The following DISP1 variants were observed in gnomAD, a reference collection of about 807,000 sequenced individuals.
The protein encoded by DISP1 is dispatched RND transporter family member 1.
DISP1 carries 30 observed loss-of-function variants against 37.3 expected under a neutral mutation model. The ratio of observed to expected loss-of-function variants is 0.80; its 90% CI spans 0.60 to 1.09. The LOEUF (loss-of-function observed/expected upper bound fraction) is 1.09. DISP1 is among the 50% of genes least tolerant of loss of function. The pLI is 0.00. For missense variants in DISP1, 1,598 were observed against 1,879.5 expected (o/e 0.85, Z 2.77); for synonymous variants, 634 against 690.2 (o/e 0.92, Z 1.28).
At chr1:222,827,651 C>T (rs1664756288) in intron 1 of DISP1, 1 of 151,884 alleles carries the variant, frequency 6.6e-6, no homozygotes, top group Non-Finnish European at 1.5e-5. Flanking sequence ...TTTTTTATTT[C>T]TAGAACTGAG....
chr1:222,979,737 A>T, intron 3 of DISP1: 2 of 460,992 alleles, frequency 4.3e-6, no homozygotes, highest in South Asian at 1.6e-5. Flanking sequence ...GTGGCCCTGC[A>T]CTCCGTCCCT....
At chr1:222,830,681 T>C (rs1665524095) in intron 1 of DISP1, among the ~76,000 whole-genome samples, 1 of 152,158 alleles carries the variant, frequency 6.6e-6, no homozygotes, top group African/African-American at 2.4e-5. Context: ...TGTGCCTGGC[T>C]CCTTCCACCC....
chr1:222,984,435 T>TATATAG (rs67660273), intron 4 of DISP1, among the ~76,000 whole-genome samples: 4,530 of 108,276 alleles, frequency 0.042, 245 homozygotes, highest in South Asian at 0.073. Flanking sequence ...TATATATATA[T>TATATAG]AGAGAGAGAG....
At chr1:222,828,089 A>G (rs1278972411) in intron 1 of DISP1, among the ~76,000 whole-genome samples, 1 of 152,220 alleles carries the variant, frequency 6.6e-6, no homozygotes, top group Non-Finnish European at 1.5e-5. Context: ...ACTAGGCTAA[A>G]AAGTTTGTAT....
intron 1 of DISP1, among the ~76,000 whole-genome samples, chr1:222,906,755 G>C (rs1671919061): frequency 6.6e-6 from 1 of 152,222 alleles, no homozygotes; most frequent in Non-Finnish European, 1.5e-5. Context: ...TGGGCAACCA[G>C]CAGCCCTCTG....
At chr1:222,939,355 ATTTTTTTT>A (rs35313341) in intron 2 of DISP1, among the ~76,000 whole-genome samples, 3 of 112,992 alleles carry the variant, frequency 2.7e-5, no homozygotes, top group African/African-American at 3.5e-5. Flanking sequence ...AAGAAAAATA[ATTTTTTTT>A]TTTTTTTTTT....
chr1:222,869,808 CT>C (rs1189281678), intron 1 of DISP1, among the ~76,000 whole-genome samples: 1 of 151,688 alleles, frequency 6.6e-6, no homozygotes, highest in Admixed American at 6.6e-5. Flanking sequence ...TATTATTATA[CT>C]TTAAGTTTTA....
intron 1 of DISP1, among the ~76,000 whole-genome samples, chr1:222,892,430 G>A (rs981728238): frequency 6.6e-6 from 1 of 152,176 alleles, no homozygotes; most frequent in Non-Finnish European, 1.5e-5. Context: ...TATTCACATA[G>A]TATATTTTGT....
chr1:222,895,976 T>G (rs1671230802), intron 1 of DISP1, among the ~76,000 whole-genome samples: 1 of 152,132 alleles, frequency 6.6e-6, no homozygotes, highest in African/African-American at 2.4e-5. Context: ...TTATCGTAAT[T>G]ACAAATTTCT....
chr1:222,830,095 T>C (rs1279534635), intron 1 of DISP1, among the ~76,000 whole-genome samples: 3 of 152,176 alleles, frequency 2.0e-5, no homozygotes, highest in African/African-American at 7.2e-5. Flanking sequence ...CAGTACAAAC[T>C]CCAGATGATT....
chr1:223,004,350 C>G lies in DISP1; in HGVS notation c.2953C>G (p.Leu985Val), dbSNP rs756210932. The change falls in exon 9 of 9, where the codon CTC (leucine) becomes GTC (valine). Residue 985 changes from leucine to valine, a missense_variant. Leu to Val is a conservative substitution (Grantham distance 32). Coordinates refer to ENST00000675850, the MANE Select transcript of DISP1 (RefSeq NM_001377229.1). This position sits in a 1 kb window ranked among gnomAD's most constrained non-coding sequence, Gnocchi z 4.9. ...CCAGGATAGCCTCTCCGATGGCACC[C>G]TCATTGCCATGGGGCTGTCAGTTGC... ...DLQDSLSDGT[L>V]IAMGLSVAVA... is the part of the protein sequence containing the mutation. 3.1e-6 allele frequency: 5 copies of G among 1,614,084 alleles called. No homozygotes were observed. The highest frequency in any genetic ancestry group is 3.4e-6 in the Non-Finnish European group (4 of 1,180,052).
intron 1 of DISP1, among the ~76,000 whole-genome samples, chr1:222,883,968 G>T (rs1435857945): frequency 6.6e-6 from 1 of 152,162 alleles, no homozygotes; most frequent in Non-Finnish European, 1.5e-5. Flanking sequence ...TTGAAGACCA[G>T]GACCCATCTT....
intron 2 of DISP1, among the ~76,000 whole-genome samples, chr1:222,935,970 T>C (rs1477401279): frequency 6.6e-6 from 1 of 152,224 alleles, no homozygotes; most frequent in Non-Finnish European, 1.5e-5. Flanking sequence ...ACATATACCA[T>C]GTTGGTCCCA....
intron 3 of DISP1, among the ~76,000 whole-genome samples, chr1:222,952,723 A>ATG (rs1675312541): frequency 1.3e-5 from 2 of 152,042 alleles, no homozygotes. Flanking sequence ...GGTGGCACGC[A>ATG]CCTGTAGTCC....
intron 1 of DISP1, among the ~76,000 whole-genome samples, chr1:222,887,606 C>T (rs1245269952): frequency 8.4e-6 from 1 of 118,852 alleles, no homozygotes; most frequent in African/African-American, 3.1e-5. Context: ...TCACGCCATT[C>T]TCCTGCCTCA....
At chr1:222,856,360 G>C (rs868868066) in intron 1 of DISP1, among the ~76,000 whole-genome samples, 1 of 152,130 alleles carries the variant, frequency 6.6e-6, no homozygotes, top group Admixed American at 6.6e-5. Context: ...TTCCTTTTCC[G>C]AACTTGAAGG....
intron 1 of DISP1, among the ~76,000 whole-genome samples, chr1:222,815,884 G>C (rs1445049243): frequency 6.6e-6 from 1 of 152,170 alleles, no homozygotes; most frequent in African/African-American, 2.4e-5. Context: ...TGGAAAGCCA[G>C]TGCTGTCAAT....
In DISP1 at chr1:223,003,434, T is replaced by C. The variant is rs777611716; in HGVS notation, c.2037T>C (p.Asp679=). 4 of 1,614,060 alleles carry C rather than the reference T, an allele frequency of 2.5e-6. No individual in the cohort carries two copies. In the South Asian group the frequency reaches 3.3e-5, roughly 13 times the overall value. The stretch of plus-strand genomic sequence containing the variant: ...AAAAGCCCCAGCAGCAAATATATGA[T>C]AACAAAAGCTGCTGGACAGTGGCTT... ...CFKKPQQQIY[D]NKSCWTVACQ... is the part of the protein sequence containing the mutation. Residue 679 remains aspartate, a synonymous_variant, in exon 9 of 9, where the codon GAT becomes GAC. Transcript: ENST00000675850. The surrounding 1 kb of genome is among the most constrained non-coding windows in gnomAD (Gnocchi z 4.3).
At chr1:222,945,243 A>G (rs886684639) in intron 3 of DISP1, among the ~76,000 whole-genome samples, 2 of 152,126 alleles carry the variant, frequency 1.3e-5, no homozygotes, top group African/African-American at 4.8e-5. Context: ...TGGCTTTGAG[A>G]GTCGTTTAAT....
Sources: allele counts gnomAD v4.1 joint callset (sites outside exome capture counted in the v4.1 genomes callset), GRCh38; gene constraint gnomAD v4.1.1; non-coding constraint Gnocchi (gnomAD v3.1); transcripts MANE v1.5; gene names NCBI Gene and HGNC (gene_info 2026-07-23, HGNC 2026-07-21).